Variants in TRDN observed in about 807,000 individuals in gnomAD.
TRDN encodes triadin, also known as triadin in skeletal muscle.
In TRDN, 161 loss-of-function variants were observed where a neutral mutation model predicts 149.7. That is an observed-to-expected ratio of 1.08 (90% confidence interval 0.95 to 1.23). The LOEUF is 1.23. TRDN is among the 50% of genes most tolerant of loss of function. The probability of loss-of-function intolerance (pLI) is 0.00; values close to 1 mark genes in which losing one functional copy is unlikely to be tolerated. For synonymous variants in TRDN, 294 were observed against 250.5 expected, an observed-to-expected ratio of 1.17 and a Z score of -1.64; for missense variants, 896 against 823.5, an observed-to-expected ratio of 1.09 and a Z score of -1.08.
chr6:123,512,677 C>G (rs1218540990), intron 6 of TRDN, among the ~76,000 whole-genome samples: 1 of 151,972 alleles, frequency 6.6e-6, no homozygotes, highest in Non-Finnish European at 1.5e-5. Context: ...AAGAATTTGT[C>G]AAAAAATATG....
chr6:123,292,167 A>G (rs1455025191), intron 24 of TRDN, among the ~76,000 whole-genome samples: 1 of 152,146 alleles, frequency 6.6e-6, no homozygotes, highest in Admixed American at 6.5e-5. Context: ...AGGCAGCATC[A>G]ATGGCCATGT....
intron 24 of TRDN, among the ~76,000 whole-genome samples, chr6:123,280,117 G>A (rs751543595): frequency 2.0e-5 from 3 of 152,076 alleles, no homozygotes; most frequent in African/African-American, 4.8e-5. Flanking sequence ...AGCAAATCAC[G>A]GAGCTTATAA....
chr6:123,543,977 G>GCAAGTAATTCC (rs1780983610), intron 4 of TRDN, among the ~76,000 whole-genome samples: 1 of 151,768 alleles, frequency 6.6e-6, no homozygotes, highest in African/African-American at 2.4e-5. Flanking sequence ...TCCATATTCT[G>GCAAGTAATTCC]TGATTTCACA....
chr6:123,500,195 T>C (rs1051089600), intron 8 of TRDN, among the ~76,000 whole-genome samples: 2 of 152,120 alleles, frequency 1.3e-5, no homozygotes, highest in Admixed American at 1.3e-4. Context: ...TTGTTATATG[T>C]AAATAGTGCT....
At chr6:123,273,267 A>G in intron 28 of TRDN, 70 bp downstream of exon 28, 1 of 1,024,424 alleles carries the variant, frequency 9.8e-7, no homozygotes, top group Admixed American at 3.7e-5. Context: ...TTGAAAATAC[A>G]TGATTTTGAA....
chr6:123,321,810 A>G (rs1257365504), intron 23 of TRDN, among the ~76,000 whole-genome samples: 4 of 151,930 alleles, frequency 2.6e-5, no homozygotes, highest in Non-Finnish European at 5.9e-5. Flanking sequence ...ACTAGATGGT[A>G]TCTGATTTCT....
chr6:123,375,597 CA>C lies in TRDN; in HGVS notation c.1273+7del. 6.5e-7 allele frequency: 1 copy of C among 1,534,468 alleles called. No homozygotes were observed. Among genetic ancestry groups the C allele is most frequent in the Non-Finnish European group, 8.8e-7 (1 of 1,138,876 alleles). ...TATGCTCTTCTTTAAAAATTTTGTT[CA>C]ACATACTTGCTTTTACTTGTTTGTC... is the stretch of plus-strand genomic sequence containing the variant. On this transcript the variant is annotated splice_region_variant and intron_variant, in intron 19 of 40. Transcript: ENST00000334268.
At chr6:123,300,494 T>C (rs928381794) in intron 24 of TRDN, among the ~76,000 whole-genome samples, 5 of 151,890 alleles carry the variant, frequency 3.3e-5, no homozygotes, top group African/African-American at 7.2e-5. Flanking sequence ...TTCCTGAGGA[T>C]CCACAGAGAA....
intron 26 of TRDN, among the ~76,000 whole-genome samples, chr6:123,275,347 G>A (rs933440327): frequency 3.3e-5 from 5 of 152,026 alleles, no homozygotes; most frequent in Admixed American, 2.0e-4. Context: ...ATGACCACGC[G>A]ATAATAGAGG....
chr6:123,502,241 T>C (rs1333500362), intron 8 of TRDN: 11 of 970,986 alleles, frequency 1.1e-5, no homozygotes, highest in Non-Finnish European at 1.3e-5. Context: ...AAATATTATA[T>C]TCAACGTATT....
At chr6:123,358,996 A>T (rs1019960796) in intron 20 of TRDN, among the ~76,000 whole-genome samples, 13 of 152,208 alleles carry the variant, frequency 8.5e-5, no homozygotes, top group African/African-American at 3.1e-4. Flanking sequence ...AATATAAGAT[A>T]CTGCCAGAAA....
At chr6:123,575,764 C>A (rs1215013575) in intron 1 of TRDN, among the ~76,000 whole-genome samples, 4 of 151,996 alleles carry the variant, frequency 2.6e-5, no homozygotes, top group Non-Finnish European at 5.9e-5. Flanking sequence ...AGGTTATATG[C>A]AGAAGAATAA....
chr6:123,532,853 G>A (rs1251213581), intron 4 of TRDN, among the ~76,000 whole-genome samples: 1 of 151,680 alleles, frequency 6.6e-6, no homozygotes, highest in South Asian at 2.1e-4. Flanking sequence ...TCTAAGGCAC[G>A]TCTAATCCCA....
intron 20 of TRDN, among the ~76,000 whole-genome samples, chr6:123,359,134 T>A (rs377523817): frequency 6.6e-6 from 1 of 152,126 alleles, no homozygotes; most frequent in African/African-American, 2.4e-5. Flanking sequence ...TCCAGATACA[T>A]ATTATGGTGG....
rs118112920 is a variant in TRDN at position 123,550,824 on chromosome 6, T to G, written c.233-2212A>C. Reference sequence around the variant, plus strand: ...GCCTGTCTCCATGATTCATTGATAATGTACTTTCACTCTTTGCACCCCATT... The same window carrying G: ...GCCTGTCTCCATGATTCATTGATAAGGTACTTTCACTCTTTGCACCCCATT... On this transcript the variant is annotated intron_variant, in intron 2 of 40. Coordinates refer to ENST00000334268, the MANE Select transcript of TRDN (RefSeq NM_006073.4). Among the ~76,000 whole-genome samples the G allele has an allele frequency of 1.9e-3, 286 of 152,130 alleles. 6 individuals are homozygous for G. In the East Asian group the frequency reaches 0.051, roughly 27 times the overall value.
intron 38 of TRDN, among the ~76,000 whole-genome samples, chr6:123,242,058 T>C (rs1249060928): frequency 6.6e-6 from 1 of 152,214 alleles, no homozygotes; most frequent in Non-Finnish European, 1.5e-5. Context: ...TTTTCTTTGA[T>C]ATACCAACAT....
chr6:123,256,346 C>T (rs775495275), intron 35 of TRDN, among the ~76,000 whole-genome samples: 2 of 151,994 alleles, frequency 1.3e-5, no homozygotes, highest in African/African-American at 2.4e-5. Context: ...CATTGATGGG[C>T]ATGTGGGTTG....
intron 2 of TRDN, among the ~76,000 whole-genome samples, chr6:123,559,730 TA>T (rs932537735): frequency 6.6e-6 from 1 of 152,214 alleles, no homozygotes; most frequent in African/African-American, 2.4e-5. Context: ...TTACCTGTCC[TA>T]AAACCAGACA....
At chr6:123,582,550 C>T (rs1228697528) in intron 1 of TRDN, among the ~76,000 whole-genome samples, 1 of 151,764 alleles carries the variant, frequency 6.6e-6, no homozygotes, top group Non-Finnish European at 1.5e-5. Context: ...AGTGGGGGCG[C>T]TTTTGAGCCA....
Sources: allele counts gnomAD v4.1 joint callset (sites outside exome capture counted in the v4.1 genomes callset), GRCh38; gene constraint gnomAD v4.1.1; transcripts MANE v1.5; gene names NCBI Gene and HGNC (gene_info 2026-07-23, HGNC 2026-07-21).